KDM5A: variants seen among roughly 807,000 people sequenced by gnomAD.
The protein encoded by KDM5A is lysine demethylase 5A, also known as lysine-specific demethylase 5A.
In KDM5A, 42 loss-of-function variants were observed where a neutral mutation model predicts 193.5. That is an observed-to-expected ratio of 0.22 (90% CI 0.17 to 0.28). The LOEUF (loss-of-function observed/expected upper bound fraction) is 0.28. Among genes scored for constraint, KDM5A ranks in the 10% least tolerant of loss-of-function variants. The pLI, the probability that KDM5A is intolerant of heterozygous loss-of-function variation, is 1.00. For missense variants in KDM5A, 1,692 were observed against 2,055.1 expected, an observed-to-expected ratio of 0.82 and a Z score of 3.42; for synonymous variants, 796 against 718.1, an observed-to-expected ratio of 1.11 and a Z score of -1.73.
Position 389,282 on chromosome 12 carries a change from A to G in KDM5A, c.-191T>C. The G allele has an allele frequency of 1.4e-6, 1 of 716,980 alleles. No individual in the cohort carries two copies. The highest frequency in any genetic ancestry group is 2.5e-6 in the Non-Finnish European group (1 of 398,966). The allele number at this position is 716,980 out of a possible 1,614,324, so 44.4% of individuals were successfully genotyped here. A position where few individuals can be genotyped will look rare whatever the true frequency, so the allele number is the denominator to read the frequency against. On this transcript the variant is annotated 5_prime_UTR_variant, in exon 1 of 28. Coordinates refer to ENST00000399788, the MANE Select transcript of KDM5A (RefSeq NM_001042603.3). ...TTATTGTTTCTTGCAAGGCTTTTCCACTGAGGTTCAGGACTTTTCCGGAAG... is the reference window on the plus strand; with the variant it reads ...TTATTGTTTCTTGCAAGGCTTTTCCGCTGAGGTTCAGGACTTTTCCGGAAG...
At chr12:379,990 C>A (rs1040091127) in intron 3 of KDM5A, among the ~76,000 whole-genome samples, 1 of 152,090 alleles carries the variant, frequency 6.6e-6, no homozygotes, top group Admixed American at 6.6e-5. Flanking sequence ...AAAGTGCAGC[C>A]GGGCACGGTG....
chr12:344,510 C>A (rs1944046091), intron 10 of KDM5A, among the ~76,000 whole-genome samples: 1 of 152,146 alleles, frequency 6.6e-6, no homozygotes, highest in Admixed American at 6.5e-5. Flanking sequence ...TAAGGGCAGC[C>A]AGAGAGAAAG....
At chr12:382,594 G>C (rs1591943291) in intron 3 of KDM5A, among the ~76,000 whole-genome samples, 1 of 152,100 alleles carries the variant, frequency 6.6e-6, no homozygotes, top group Middle Eastern at 3.4e-3. Flanking sequence ...AAAATTCCCA[G>C]ATAATTAAGC....
intron 11 of KDM5A, among the ~76,000 whole-genome samples, chr12:334,022 T>G (rs369999799): frequency 1.2e-4 from 18 of 152,212 alleles, no homozygotes; most frequent in Admixed American, 6.5e-5. Context: ...ACATTTCAAT[T>G]ATCCCCACAA....
At position 282,366 on chromosome 12, in the gene KDM5A, G is replaced by C. The variant is rs1351453203; in HGVS notation, c.*3090C>G. The stretch of plus-strand genomic sequence containing the variant: ...AATGTTTGCCGTTTCCATTATTCAA[G>C]GTATGACATGCAATAATTTATAATT... On this transcript the variant is annotated 3_prime_UTR_variant, in exon 28 of 28. Coordinates refer to ENST00000399788, the MANE Select transcript of KDM5A (RefSeq NM_001042603.3). The C allele has an allele frequency of 4.3e-6, 1 of 233,176 alleles. No individual in the cohort carries two copies. Among genetic ancestry groups the C allele is most frequent in the African/African-American group, 2.2e-5 (1 of 45,338 alleles). The allele number at this position is 233,176 out of a possible 1,614,324, so 14.4% of individuals were successfully genotyped here.
rs34107168 is a variant in KDM5A at position 293,788 on chromosome 12, A to AGG, written c.4456-621_4456-620dup. Among the ~76,000 whole-genome samples, 238 of 82,762 alleles carry AGG rather than the reference A, an allele frequency of 2.9e-3. 1 individual carries two copies. The highest frequency in any genetic ancestry group is 7.6e-3 in the Middle Eastern group (1 of 132). The allele number at this position is 82,762 out of a possible 152,430, so 54.3% of individuals were successfully genotyped here. A position where few individuals can be genotyped will look rare whatever the true frequency, so the allele number is the denominator to read the frequency against. On this transcript the variant is annotated intron_variant, in intron 26 of 27. Coordinates refer to ENST00000399788, the MANE Select transcript of KDM5A (RefSeq NM_001042603.3). ...AGCAAGACTCCATCTCAAAAAAAAA[A>AGG]GGGGGGGGGGGGGATTTATGTTATT...
chr12:351,428 A>G (rs1248767168), intron 9 of KDM5A, among the ~76,000 whole-genome samples: 1 of 152,138 alleles, frequency 6.6e-6, no homozygotes, highest in Non-Finnish European at 1.5e-5. Context: ...CATGGTATAT[A>G]TGTGCCACAT....
chr12:321,298 C>CCG (rs1279908940), intron 17 of KDM5A, among the ~76,000 whole-genome samples, 189 bp from the exon 18 acceptor site: 1 of 152,046 alleles, frequency 6.6e-6, no homozygotes, highest in African/African-American at 2.4e-5. Context: ...ATTCAACTCT[C>CCG]CAAGTTACAG....
Position 330,085 on chromosome 12 carries a change from G to GTGTGTGTGTGTGTATATATA in KDM5A, c.1774-1057_1774-1056insTATATATACACACACACACA, listed in dbSNP as rs377271333. On this transcript the variant is annotated intron_variant, in intron 13 of 27. Coordinates refer to ENST00000399788, the MANE Select transcript of KDM5A (RefSeq NM_001042603.3). ...TGTGTGTGTGTGTGTGTGTGTGTGT[G>GTGTGTGTGTGTGTATATATA]TATATATATATATCTTATGATTAGC... Among the ~76,000 whole-genome samples the GTGTGTGTGTGTGTATATATA allele has an allele frequency of 7.8e-4, 109 of 139,366 alleles. 1 individual carries two copies. The highest frequency in any genetic ancestry group is 3.6e-3 in the Middle Eastern group (1 of 278). 91.4% of individuals were successfully genotyped at this position (139,366 alleles called of 152,430 possible). A position where few individuals can be genotyped will look rare whatever the true frequency, so the allele number is the denominator to read the frequency against.
chr12:326,657 C>A (rs546225677), intron 14 of KDM5A, among the ~76,000 whole-genome samples: 6 of 152,002 alleles, frequency 3.9e-5, no homozygotes, highest in Non-Finnish European at 5.9e-5. Context: ...GTCAGGAGAT[C>A]GAGACCATCC....
intron 13 of KDM5A, among the ~76,000 whole-genome samples, chr12:330,971 A>T (rs535785481): frequency 1.2e-4 from 19 of 152,148 alleles, no homozygotes; most frequent in Non-Finnish European, 2.4e-4. Flanking sequence ...GCCACTAAAT[A>T]CTTTTTGATT....
At chr12:379,114 G>C (rs866721045) in intron 3 of KDM5A, among the ~76,000 whole-genome samples, 1 of 151,996 alleles carries the variant, frequency 6.6e-6, no homozygotes, top group Non-Finnish European at 1.5e-5. Flanking sequence ...TGACTCAGAA[G>C]ACTGAAAATT....
At chr12:329,888 T>C (rs547807223) in intron 13 of KDM5A, among the ~76,000 whole-genome samples, 1 of 152,196 alleles carries the variant, frequency 6.6e-6, no homozygotes, top group African/African-American at 2.4e-5. Context: ...GGATTTGTAA[T>C]ATAAAAGAGA....
In KDM5A at chr12:283,314, A is replaced by G. The variant is rs1360368040; in HGVS notation, c.*2142T>C. ...TTAATTGATAATCGTTAGCTTGGCA[A>G]AACGAAAACTTATGAAATCAGTTAA... On this transcript the variant is annotated 3_prime_UTR_variant, in exon 28 of 28. Coordinates refer to ENST00000399788, the MANE Select transcript of KDM5A (RefSeq NM_001042603.3). The G allele has an allele frequency of 4.3e-6, 1 of 231,986 alleles. No individual in the cohort carries two copies. The highest frequency in any genetic ancestry group is 6.1e-5 in the East Asian group (1 of 16,298). 14.4% of individuals were successfully genotyped at this position (231,986 alleles called of 1,614,324 possible). A position where few individuals can be genotyped will look rare whatever the true frequency, so the allele number is the denominator to read the frequency against.
intron 24 of KDM5A, among the ~76,000 whole-genome samples, chr12:299,402 TAAAGA>T (rs1433510202): frequency 6.6e-6 from 1 of 152,136 alleles, no homozygotes; most frequent in Non-Finnish European, 1.5e-5. Flanking sequence ...TCAACATTCT[TAAAGA>T]AAAGAATTTT....
intron 27 of KDM5A, among the ~76,000 whole-genome samples, chr12:290,885 G>A (rs948379823): frequency 6.6e-6 from 1 of 152,116 alleles, no homozygotes; most frequent in Non-Finnish European, 1.5e-5. Context: ...AAACATTATA[G>A]AAAGAATGTC....
At chr12:374,602 T>G (rs376349655) in intron 3 of KDM5A, among the ~76,000 whole-genome samples, 5 of 152,236 alleles carry the variant, frequency 3.3e-5, no homozygotes, top group African/African-American at 1.2e-4. Flanking sequence ...ATGTGTGAAT[T>G]TGATCCTGTC....
intron 24 of KDM5A, among the ~76,000 whole-genome samples, chr12:304,928 CTAATTA>C (rs1344637214): frequency 1.3e-5 from 2 of 152,154 alleles, no homozygotes; most frequent in African/African-American, 4.8e-5. Context: ...AAGGAAAAAG[CTAATTA>C]TACTTGGCAT....
intron 27 of KDM5A, among the ~76,000 whole-genome samples, chr12:287,375 G>C (rs1270673659): frequency 6.6e-6 from 1 of 151,802 alleles, no homozygotes; most frequent in Non-Finnish European, 1.5e-5. Context: ...TGTAAATTCA[G>C]AGCAACTTAA....
Sources: gnomAD v4.1 joint callset for allele counts (sites outside exome capture counted in the v4.1 genomes callset) on GRCh38, gnomAD v4.1.1 for gene constraint, MANE v1.5 for transcripts, NCBI Gene and HGNC (gene_info 2026-07-23, HGNC 2026-07-21) for gene names.